Variants in NR5A2 observed in about 807,000 individuals in gnomAD.
NR5A2 encodes the protein CYP7A promoter-binding factor.
A neutral mutation model predicts 62.7 loss-of-function variants in NR5A2; 26 were observed. The observed-to-expected ratio is 0.41, with a 90% CI of 0.30 to 0.58. The LOEUF (loss-of-function observed/expected upper bound fraction) is 0.58. NR5A2 is among the 20% of genes least tolerant of loss of function. The pLI, the probability that NR5A2 is intolerant of heterozygous loss-of-function variation, is 0.22. For missense variants in NR5A2, 541 were observed against 669.1 expected, an observed-to-expected ratio of 0.81 and a Z score of 2.11; for synonymous variants, 246 against 241.7, an observed-to-expected ratio of 1.02 and a Z score of -0.16.
intron 7 of NR5A2, among the ~76,000 whole-genome samples, chr1:200,124,981 T>C (rs1392577962): frequency 6.6e-6 from 1 of 152,174 alleles, no homozygotes; most frequent in East Asian, 1.9e-4. Flanking sequence ...TGATAGGTAA[T>C]AGGAGGTGGT....
intron 7 of NR5A2, among the ~76,000 whole-genome samples, chr1:200,127,733 G>GATATATATATATATATA (rs1666789829): frequency 1.3e-5 from 1 of 75,070 alleles, no homozygotes; most frequent in Non-Finnish European, 2.5e-5. Context: ...TATATATATG[G>GATATATATATATATATA]TATCCATCAG....
chr1:200,126,566 AC>A (rs1181284873), intron 7 of NR5A2, among the ~76,000 whole-genome samples: 13 of 152,346 alleles, frequency 8.5e-5, no homozygotes, highest in South Asian at 6.2e-4. Flanking sequence ...AAATGCAAGC[AC>A]AAAATTTGAA....
At chr1:200,109,649 T>C (rs747397901) in intron 5 of NR5A2, among the ~76,000 whole-genome samples, 27 of 152,150 alleles carry the variant, frequency 1.8e-4, no homozygotes, top group Non-Finnish European at 3.5e-4. Flanking sequence ...CTATTCAGAG[T>C]CTTATGGAAT....
intron 7 of NR5A2, among the ~76,000 whole-genome samples, chr1:200,163,265 CAAAA>C (rs374872273): frequency 1.1e-5 from 1 of 87,994 alleles, no homozygotes; most frequent in Non-Finnish European, 2.7e-5. Flanking sequence ...ATGTCAAAGG[CAAAA>C]AAAAAAAAAA....
intron 5 of NR5A2, among the ~76,000 whole-genome samples, chr1:200,080,913 C>T (rs1003634805): frequency 3.9e-5 from 6 of 152,210 alleles, no homozygotes; most frequent in African/African-American, 1.4e-4. Flanking sequence ...CAGCATCTGG[C>T]CATTGGCCCC....
intron 1 of NR5A2, among the ~76,000 whole-genome samples, chr1:200,034,783 C>CTTTTTTTTTTTTTTTT (rs767393832): frequency 2.8e-5 from 2 of 71,280 alleles, no homozygotes; most frequent in African/African-American, 1.1e-4. Flanking sequence ...AGCAGAAAGG[C>CTTTTTTTTTTTTTTTT]TTTTTTTTTT....
chr1:200,101,362 A>T (rs1665357229), intron 5 of NR5A2, among the ~76,000 whole-genome samples: 1 of 152,230 alleles, frequency 6.6e-6, no homozygotes, highest in African/African-American at 2.4e-5. Context: ...TAGGTTAAAC[A>T]TGCCCTTGTA....
rs1333524307 is a variant in NR5A2, at chr1:200,160,484, G to C, written c.1379-13479G>C. Among the ~76,000 whole-genome samples the C allele has an allele frequency of 3.3e-5, 5 of 152,188 alleles. No homozygotes were observed. The East Asian group carries it at 9.6e-4, about 29-fold the overall frequency. ...AGCTGAGAAAGTGGAGCTGAATCGG[G>C]CTCTTAGCCTCACTCACACAAAATA... On this transcript the variant is annotated intron_variant, in intron 7 of 7. Transcript: ENST00000367362.
At chr1:200,120,394 T>G (rs558222897) in intron 6 of NR5A2, among the ~76,000 whole-genome samples, 1 of 152,356 alleles carries the variant, frequency 6.6e-6, no homozygotes, top group African/African-American at 2.4e-5. Context: ...TGATGTAATT[T>G]CATAATATAA....
intron 7 of NR5A2, among the ~76,000 whole-genome samples, chr1:200,127,963 G>A (rs10753867): frequency 0.37 from 55,963 of 151,170 alleles, 11,066 homozygotes; most frequent in Non-Finnish European, 0.44. Context: ...TCTGAAGAAT[G>A]TGGACAAAAA....
At chr1:200,115,782 T>A (rs1284364756) in intron 6 of NR5A2, among the ~76,000 whole-genome samples, 1 of 152,032 alleles carries the variant, frequency 6.6e-6, no homozygotes, top group Non-Finnish European at 1.5e-5. Flanking sequence ...AAGATGGGTG[T>A]TCTAAGCTGT....
intron 7 of NR5A2, among the ~76,000 whole-genome samples, chr1:200,156,285 A>G (rs1163480090): frequency 1.3e-5 from 2 of 152,248 alleles, no homozygotes; most frequent in African/African-American, 2.4e-5. Context: ...ATCCTCCCTC[A>G]GGGGAGAGGT....
chr1:200,160,619 G>A (rs1180409295), intron 7 of NR5A2, among the ~76,000 whole-genome samples: 2 of 152,060 alleles, frequency 1.3e-5, no homozygotes, highest in Admixed American at 6.6e-5. Flanking sequence ...ATGCCTTTAA[G>A]CTAATATTTT....
intron 5 of NR5A2, among the ~76,000 whole-genome samples, chr1:200,050,990 A>G (rs577216141): frequency 3.3e-5 from 5 of 152,346 alleles, no homozygotes; most frequent in Admixed American, 2.0e-4. Context: ...AAACAATGCA[A>G]TTATAGTCTC....
chr1:200,053,481 A>G (rs1290114703), intron 5 of NR5A2, among the ~76,000 whole-genome samples: 2 of 151,936 alleles, frequency 1.3e-5, no homozygotes, highest in Non-Finnish European at 2.9e-5. Context: ...TTATCCAGCT[A>G]CTGAATGGCA....
chr1:200,167,141 C>T (rs1653938968), intron 7 of NR5A2, among the ~76,000 whole-genome samples: 1 of 152,184 alleles, frequency 6.6e-6, no homozygotes, highest in Non-Finnish European at 1.5e-5. Flanking sequence ...AAATCTATAC[C>T]TCCAGCCCAA....
At chr1:200,047,572 A>C (rs1284476509) in intron 4 of NR5A2, among the ~76,000 whole-genome samples, 2 of 126,470 alleles carry the variant, frequency 1.6e-5, no homozygotes, top group Non-Finnish European at 3.2e-5. Context: ...AGCAATGTGA[A>C]ATATTTCTTT....
chr1:200,052,890 T>C (rs1163993415), intron 5 of NR5A2, among the ~76,000 whole-genome samples: 1 of 152,200 alleles, frequency 6.6e-6, no homozygotes, highest in Admixed American at 6.5e-5. Context: ...TCCGCCCGCC[T>C]TGGCCTCCCA....
chr1:200,049,524 TTTAAA>T, intron 5 of NR5A2, among the ~76,000 whole-genome samples: 1 of 152,330 alleles, frequency 6.6e-6, no homozygotes, highest in East Asian at 1.9e-4. Flanking sequence ...GGGATCTATG[TTTAAA>T]TTAATAATTA....
Sources: allele counts gnomAD v4.1 joint callset (sites outside exome capture counted in the v4.1 genomes callset), GRCh38; gene constraint gnomAD v4.1.1; transcripts MANE v1.5; gene names NCBI Gene and HGNC (gene_info 2026-07-23, HGNC 2026-07-21).